TBATA: variants seen among roughly 807,000 people sequenced by gnomAD.
TBATA encodes protein TBATA.
Under a neutral mutation model 38.7 loss-of-function variants are expected in TBATA, and 47 were observed. The ratio of observed to expected loss-of-function variants is 1.21; its 90% confidence interval spans 0.96 to 1.55. The LOEUF (loss-of-function observed/expected upper bound fraction) is 1.55. TBATA is among the 40% of genes most tolerant of loss of function. The pLI, the probability that TBATA is intolerant of heterozygous loss-of-function variation, is 0.00. For synonymous variants in TBATA, 183 were observed against 170.5 expected (o/e 1.07, Z -0.57); for missense variants, 436 against 435.6 (o/e 1.00, Z -0.01).
chr10:70,772,343 G>A (rs1259810632), intron 10 of TBATA, 171 bp downstream of exon 10: 2 of 751,234 alleles, frequency 2.7e-6, no homozygotes, highest in South Asian at 1.5e-5. Flanking sequence ...CACATTGTGG[G>A]TGCTCGATAA....
At chr10:70,782,292 AG>A (rs1844317313) in intron 3 of TBATA, 2 of 1,492,956 alleles carry the variant, frequency 1.3e-6, no homozygotes, top group Non-Finnish European at 1.8e-6. Flanking sequence ...AGACTCTCCC[AG>A]CACCCCAGTT....
chr10:70,772,941 A>G (rs1842937495), intron 9 of TBATA, among the ~76,000 whole-genome samples: 1 of 152,198 alleles, frequency 6.6e-6, no homozygotes, highest in Non-Finnish European at 1.5e-5. Context: ...GGGCAAGACA[A>G]GAACCCTGCG....
rs553026162 is a variant in TBATA at position 70,771,589 on chromosome 10, G to A, written c.974-128C>T. 6.0e-6 allele frequency: 5 copies of A among 832,904 alleles called. No individual in the cohort carries two copies. The Admixed American group carries it at 1.2e-4, about 21-fold the overall frequency. The allele number at this position is 832,904 out of a possible 1,614,324, so 51.6% of individuals were successfully genotyped here. On this transcript the variant is annotated intron_variant, in intron 10 of 10. Coordinates refer to ENST00000456372, the MANE Select transcript of TBATA (RefSeq NM_001318241.2). The stretch of plus-strand genomic sequence containing the variant: ...AAGCCCAGCTCCTGCTCTCAGCTCT[G>A]CTGGTGACCGAGGAGGGAATCCAAC...
At chr10:70,774,171 G>T (rs1267538375) in intron 9 of TBATA, 42 bp downstream of exon 9, 1 of 1,605,082 alleles carries the variant, frequency 6.2e-7, no homozygotes, top group Admixed American at 1.7e-5. Context: ...CACCTGGGAG[G>T]ACAGAAGGCT....
Position 70,778,718 on chromosome 10 carries a change from G to A in TBATA, c.428-82C>T, listed in dbSNP as rs769066813. The A allele has an allele frequency of 3.2e-6, 4 of 1,237,688 alleles. No homozygotes were observed. The East Asian group carries it at 7.0e-5, about 22-fold the overall frequency. The allele number at this position is 1,237,688 out of a possible 1,614,324, so 76.7% of individuals were successfully genotyped here. A position where few individuals can be genotyped will look rare whatever the true frequency, so the allele number is the denominator to read the frequency against. On this transcript the variant is annotated intron_variant, in intron 5 of 10. Coordinates refer to ENST00000456372, the MANE Select transcript of TBATA (RefSeq NM_001318241.2). ...TGTGCCACCAGGCCTTGGTAGAGGA[G>A]TCTGCTCTCCTTCCTGGCCTCCCTG...
chr10:70,775,382 G>T (rs1407890521), intron 7 of TBATA, 112 bp from the exon 8 acceptor site: 2 of 832,550 alleles, frequency 2.4e-6, no homozygotes, highest in Non-Finnish European at 4.0e-6. Flanking sequence ...GCTCCCAGAG[G>T]CGCCTGCTGG....
intron 9 of TBATA, among the ~76,000 whole-genome samples, chr10:70,773,756 G>A (rs927202083): frequency 6.6e-6 from 1 of 152,238 alleles, no homozygotes; most frequent in Non-Finnish European, 1.5e-5. Flanking sequence ...TCGCTGCTCA[G>A]TGGCCTTGCT....
Position 70,777,299 on chromosome 10 carries a change from C to A in TBATA, c.547G>T (p.Ala183Ser), listed in dbSNP as rs559051410. Reference sequence around the variant, plus strand: ...CTCCCAGTCTCTGCTGAGTACTTTGCCCCCTGCTCCCGCAGAGGCTCCTCC... The same window carrying A: ...CTCCCAGTCTCTGCTGAGTACTTTGACCCCTGCTCCCGCAGAGGCTCCTCC... ...QKEEPLREQG[A>S]KYSAETGRLI... is the part of the protein sequence containing the mutation. The change falls in exon 7 of 11, where the codon GCA becomes TCA. Residue 183 changes from alanine to serine, a missense_variant. Coordinates refer to ENST00000456372, the MANE Select transcript of TBATA (RefSeq NM_001318241.2). 17 of 1,613,568 alleles carry A rather than the reference C, an allele frequency of 1.1e-5. No individual in the cohort carries two copies. In the African/African-American group the frequency reaches 2.1e-4, roughly 20 times the overall value.
Position 70,772,501 on chromosome 10 carries a change from C to G in TBATA, c.973+13G>C. 1 of 1,614,066 alleles carries G rather than the reference C, an allele frequency of 6.2e-7. No homozygotes were observed. The highest frequency in any genetic ancestry group is 2.2e-5 in the East Asian group (1 of 44,878). On this transcript the variant is annotated intron_variant, in intron 10 of 10. Transcript: ENST00000456372. ...GGTGAGTCCCCCAAATGACCCACTA[C>G]TTGGAATCTTACCTGGTTTTTCGCT...
chr10:70,776,996 G>C (rs1843487156), intron 7 of TBATA, among the ~76,000 whole-genome samples, 157 bp downstream of exon 7: 1 of 152,108 alleles, frequency 6.6e-6, no homozygotes, highest in Non-Finnish European at 1.5e-5. Flanking sequence ...GAGGCAGCAG[G>C]GGGTCATAGC....
intron 9 of TBATA, among the ~76,000 whole-genome samples, chr10:70,772,879 C>A (rs1266597108): frequency 6.6e-6 from 1 of 152,228 alleles, no homozygotes. Context: ...AGCCCTCCCC[C>A]TAGCCCTGAC....
chr10:70,774,041 G>T (rs1843072097), intron 9 of TBATA, 172 bp downstream of exon 9: 2 of 451,760 alleles, frequency 4.4e-6, no homozygotes, highest in Non-Finnish European at 5.8e-6. Flanking sequence ...TGGCCTTGAA[G>T]TGGCTTGGGT....
At position 70,781,925 on chromosome 10, in the gene TBATA, C is replaced by A; in HGVS notation, c.153G>T (p.Arg51=). ...LVIPGIVDFE[R]IRRALRTPKP... ...TTGGGGTCCTCAATGCCCGGCGGAT[C>A]CGCTCGAAATCCACAATCCCTGGGA... The change falls in exon 4 of 11, where the codon CGG becomes CGT. Residue 51 remains arginine (R), a synonymous_variant. Coordinates refer to ENST00000456372, the MANE Select transcript of TBATA (RefSeq NM_001318241.2). 6.2e-7 allele frequency: 1 copy of A among 1,614,212 alleles called. No individual in the cohort carries two copies. Among genetic ancestry groups the A allele is most frequent in the Non-Finnish European group, 8.5e-7 (1 of 1,180,044 alleles).
At chr10:70,773,470 C>T (rs903938014) in intron 9 of TBATA, among the ~76,000 whole-genome samples, 7 of 151,682 alleles carry the variant, frequency 4.6e-5, no homozygotes, top group Admixed American at 3.3e-4. Flanking sequence ...TACAGGCCCC[C>T]CCGGCTTCAC....
Position 70,778,608 on chromosome 10 carries a change from T to C in TBATA, c.456A>G (p.Leu152=). The C allele has an allele frequency of 6.2e-7, 1 of 1,614,192 alleles. No individual in the cohort carries two copies. Among genetic ancestry groups the C allele is most frequent in the Non-Finnish European group, 8.5e-7 (1 of 1,180,024 alleles). ...SEAWKKELKE[L]ASRVAFLTKE... ...TGGTGAGGAAGGCCACCCGGGAAGC[T>C]AGCTCCTTCAACTCCTTCTTCCAGG... The change falls in exon 6 of 11, where the codon CTA becomes CTG. Residue 152 remains leucine, a synonymous_variant. Coordinates refer to ENST00000456372, the MANE Select transcript of TBATA (RefSeq NM_001318241.2).
At chr10:70,779,474 A>G in intron 5 of TBATA, 119 bp downstream of exon 5, 1 of 1,206,846 alleles carries the variant, frequency 8.3e-7, no homozygotes, top group Non-Finnish European at 1.1e-6. Context: ...GGGTTCCCCC[A>G]ACGGACCTCA....
intron 9 of TBATA, 71 bp downstream of exon 9, chr10:70,774,142 C>T (rs1388889326): frequency 6.3e-7 from 1 of 1,583,346 alleles, no homozygotes; most frequent in Non-Finnish European, 8.6e-7. Flanking sequence ...AGGCTCCCTT[C>T]TCCAGGTCCC....
chr10:70,780,747 A>G (rs1844102238), intron 4 of TBATA, among the ~76,000 whole-genome samples: 1 of 152,140 alleles, frequency 6.6e-6, no homozygotes, highest in South Asian at 2.1e-4. Flanking sequence ...TCCCTGCCTC[A>G]GTCAATGTAC....
At chr10:70,771,598 C>G (rs1176533854) in intron 10 of TBATA, 137 bp from the exon 11 acceptor site, 6 of 767,418 alleles carry the variant, frequency 7.8e-6, no homozygotes, top group South Asian at 5.3e-5. Context: ...TGCTGGTGAC[C>G]GAGGAGGGAA....
Sources: allele counts gnomAD v4.1 joint callset (sites outside exome capture counted in the v4.1 genomes callset), GRCh38; gene constraint gnomAD v4.1.1; transcripts MANE v1.5; gene names NCBI Gene and HGNC (gene_info 2026-07-23, HGNC 2026-07-21).